STRN: variants seen among roughly 807,000 people sequenced by gnomAD.
STRN encodes the protein protein phosphatase 2 regulatory subunit B'''alpha.
STRN carries 53 observed loss-of-function variants against 96.3 expected under a neutral mutation model. The observed-to-expected ratio is 0.55, with a 90% confidence interval of 0.44 to 0.69. STRN has a LOEUF of 0.69. STRN is among the 30% of genes least tolerant of loss of function. The pLI, the probability that STRN is intolerant of heterozygous loss-of-function variation, is 0.00. For missense variants in STRN, 987 were observed against 963.9 expected (o/e 1.02, Z -0.32); for synonymous variants, 428 against 355.9 (o/e 1.20, Z -2.28).
chr2:36,946,354 G>A (rs1670984430), intron 1 of STRN, among the ~76,000 whole-genome samples: 1 of 152,136 alleles, frequency 6.6e-6, no homozygotes, highest in Non-Finnish European at 1.5e-5. Context: ...GCTTTCCCAT[G>A]TGTTGGAAAT....
At chr2:36,854,299 T>C (rs1331027042) in intron 15 of STRN, among the ~76,000 whole-genome samples, 1 of 152,228 alleles carries the variant, frequency 6.6e-6, no homozygotes, top group Non-Finnish European at 1.5e-5. Flanking sequence ...AAAAAAATTC[T>C]CCTTTTCCAA....
At chr2:36,871,954 T>C (rs1292842158) in intron 10 of STRN, among the ~76,000 whole-genome samples, 1 of 152,242 alleles carries the variant, frequency 6.6e-6, no homozygotes, top group Non-Finnish European at 1.5e-5. Context: ...AAGGAACTAC[T>C]GTAACTACTG....
At chr2:36,966,095 G>A (rs938628539) in intron 1 of STRN, 135 bp downstream of exon 1, 110 of 1,040,114 alleles carry the variant, frequency 1.1e-4, no homozygotes, top group Non-Finnish European at 1.3e-4. Flanking sequence ...GAAGGGGACG[G>A]GGCTCCGGGT....
At chr2:36,942,992 G>A (rs541444025) in intron 1 of STRN, among the ~76,000 whole-genome samples, 10 of 152,040 alleles carry the variant, frequency 6.6e-5, no homozygotes, top group South Asian at 6.2e-4. Context: ...CACCATGCCC[G>A]GCCATTTATT....
At chr2:36,904,843 T>G (rs1009792901) in intron 4 of STRN, among the ~76,000 whole-genome samples, 3 of 150,958 alleles carry the variant, frequency 2.0e-5, no homozygotes, top group African/African-American at 7.4e-5. Context: ...AATGACTGAA[T>G]GAATGAATGA....
At chr2:36,852,024 C>T (rs1026760752) in intron 15 of STRN, among the ~76,000 whole-genome samples, 1 of 152,166 alleles carries the variant, frequency 6.6e-6, no homozygotes, top group Non-Finnish European at 1.5e-5. Context: ...GCCTATATTA[C>T]AGTGAACACA....
intron 1 of STRN, among the ~76,000 whole-genome samples, chr2:36,938,545 G>T (rs779461208): frequency 5.9e-4 from 89 of 152,110 alleles, no homozygotes; most frequent in Non-Finnish European, 8.5e-4. Flanking sequence ...TCACTTACTG[G>T]GTAAGTAAGT....
intron 12 of STRN, among the ~76,000 whole-genome samples, chr2:36,865,673 T>C (rs918000614): frequency 2.0e-5 from 3 of 152,128 alleles, no homozygotes; most frequent in African/African-American, 7.2e-5. Context: ...GCAATTCTCC[T>C]GCCTCAGCCT....
chr2:36,876,428 G>A (rs916601304), intron 10 of STRN, among the ~76,000 whole-genome samples: 6 of 152,142 alleles, frequency 3.9e-5, no homozygotes, highest in Non-Finnish European at 4.4e-5. Context: ...GATTTCAACT[G>A]TCTTTGGAGG....
intron 8 of STRN, among the ~76,000 whole-genome samples, chr2:36,885,901 C>T (rs1004455642): frequency 3.9e-5 from 6 of 151,992 alleles, no homozygotes; most frequent in South Asian, 4.1e-4. Context: ...ATATTGTCAA[C>T]GAGGGTAGAA....
rs1668109024 is a variant in STRN at position 36,847,459 on chromosome 2, G to A, written c.*1997C>T. On this transcript the variant is annotated 3_prime_UTR_variant, in exon 18 of 18. Coordinates refer to ENST00000263918, the MANE Select transcript of STRN (RefSeq NM_003162.4). ...AGGTTAGAAACATTCTTTCTTCACT[G>A]TGAAGAACCAAAAGAAATTTACTGA... is the stretch of plus-strand genomic sequence containing the variant. 1 of 152,036 alleles carries A rather than the reference G, an allele frequency of 6.6e-6. No homozygotes were observed. The highest frequency in any genetic ancestry group is 2.4e-5 in the African/African-American group (1 of 41,388). The allele number at this position is 152,036 out of a possible 1,614,324, so 9.4% of individuals were successfully genotyped here.
At chr2:36,858,914 G>T (rs559613807) in intron 13 of STRN, among the ~76,000 whole-genome samples, 1 of 152,306 alleles carries the variant, frequency 6.6e-6, no homozygotes, top group South Asian at 2.1e-4. Context: ...ACTGGAATGA[G>T]TGAGAACTTG....
At chr2:36,905,271 T>A (rs562117673) in intron 4 of STRN, among the ~76,000 whole-genome samples, 7 of 152,180 alleles carry the variant, frequency 4.6e-5, no homozygotes, top group Non-Finnish European at 1.0e-4. Context: ...GCCTGGCCAA[T>A]TGCACATATA....
intron 4 of STRN, 97 bp downstream of exon 4, chr2:36,905,443 A>G: frequency 9.2e-7 from 1 of 1,089,340 alleles, no homozygotes; most frequent in Non-Finnish European, 1.4e-6. Context: ...TGTATGAGAT[A>G]AAATATTCAT....
chr2:36,959,254 TA>T (rs1024220182), intron 1 of STRN, among the ~76,000 whole-genome samples: 1 of 151,998 alleles, frequency 6.6e-6, no homozygotes, highest in African/African-American at 2.4e-5. Context: ...GCCTGTTATC[TA>T]AAAAAAATAA....
intron 1 of STRN, among the ~76,000 whole-genome samples, chr2:36,954,419 G>C (rs1174620523): frequency 6.6e-6 from 1 of 151,342 alleles, no homozygotes; most frequent in Non-Finnish European, 1.5e-5. Context: ...GGCTGAGGCA[G>C]GAGAATTGTT....
rs3080759 is a variant in STRN at position 36,927,524 on chromosome 2, A to AGGG, written c.235-2319_235-2317dup. Among the ~76,000 whole-genome samples, 432 of 79,472 alleles carry AGGG rather than the reference A, an allele frequency of 5.4e-3. 5 individuals are homozygous for AGGG. Among genetic ancestry groups the AGGG allele is most frequent in the East Asian group, 0.031 (49 of 1,568 alleles). 52.1% of individuals were successfully genotyped at this position (79,472 alleles called of 152,430 possible). ...ACCCTATATCAAAAAAACAAAAAAA[A>AGGG]GGGGGGGGGGGGTGGTAATCAGGGC... On this transcript the variant is annotated intron_variant, in intron 1 of 17. Transcript: ENST00000263918.
intron 2 of STRN, among the ~76,000 whole-genome samples, chr2:36,916,613 C>G (rs1161200412): frequency 6.6e-6 from 1 of 151,830 alleles, no homozygotes; most frequent in African/African-American, 2.4e-5. Flanking sequence ...GTCAGATAAT[C>G]ATGATTTGCC....
In STRN at chr2:36,843,904, T is replaced by C. The variant is rs1057384704; in HGVS notation, c.*5552A>G. On this transcript the variant is annotated 3_prime_UTR_variant, in exon 18 of 18. Coordinates refer to ENST00000263918, the MANE Select transcript of STRN (RefSeq NM_003162.4). ...ACCCTGAATTTACATAAGAAACTTC[T>C]TGCACCACAAAAATTAGCATTTGGA... 10 of 152,206 alleles carry C rather than the reference T, an allele frequency of 6.6e-5. No homozygotes were observed. The highest frequency in any genetic ancestry group is 1.2e-4 in the African/African-American group (5 of 41,464). 9.4% of individuals were successfully genotyped at this position (152,206 alleles called of 1,614,324 possible). A position where few individuals can be genotyped will look rare whatever the true frequency, so the allele number is the denominator to read the frequency against.
Sources: gnomAD v4.1 joint callset for allele counts (sites outside exome capture counted in the v4.1 genomes callset) on GRCh38, gnomAD v4.1.1 for gene constraint, MANE v1.5 for transcripts, NCBI Gene and HGNC (gene_info 2026-07-23, HGNC 2026-07-21) for gene names.